PROS1: variants seen among roughly 807,000 people sequenced by gnomAD.
The protein encoded by PROS1 is protein S, also known as vitamin K-dependent protein S.
In PROS1, 29 loss-of-function variants were observed where a neutral mutation model predicts 75.9. That is an observed-to-expected ratio of 0.38 (90% CI 0.28 to 0.52). PROS1 has a LOEUF of 0.52. Among genes scored for constraint, PROS1 ranks in the 20% least tolerant of loss-of-function variants. PROS1 has a pLI of 0.83. For synonymous variants in PROS1, 245 were observed against 280.6 expected, an observed-to-expected ratio of 0.87 and a Z score of 1.27; for missense variants, 680 against 810.3, an observed-to-expected ratio of 0.84 and a Z score of 1.95.
intron 1 of PROS1, among the ~76,000 whole-genome samples, chr3:93,936,001 G>A (rs1236969129): frequency 7.0e-6 from 1 of 143,438 alleles, no homozygotes; most frequent in Non-Finnish European, 1.5e-5. Context: ...AAAAACTACT[G>A]TTTTTTTTTT....
intron 1 of PROS1, among the ~76,000 whole-genome samples, chr3:93,931,749 C>T (rs1358873901): frequency 6.6e-6 from 1 of 152,160 alleles, no homozygotes; most frequent in Non-Finnish European, 1.5e-5. Flanking sequence ...TTGGCTGCAC[C>T]ACTTTCAGCC....
intron 10 of PROS1, among the ~76,000 whole-genome samples, chr3:93,887,544 A>C (rs1026124019): frequency 1.3e-5 from 2 of 152,234 alleles, no homozygotes; most frequent in African/African-American, 4.8e-5. Flanking sequence ...ATATTAAAAC[A>C]CCATGATAGG....
intron 1 of PROS1, among the ~76,000 whole-genome samples, chr3:93,952,445 C>T (rs1471511689): frequency 2.6e-5 from 4 of 152,148 alleles, no homozygotes. Flanking sequence ...CACTCAACTA[C>T]ATGGAAACTG....
chr3:93,893,494 A>G (rs1402686092), intron 9 of PROS1, among the ~76,000 whole-genome samples: 2 of 152,142 alleles, frequency 1.3e-5, no homozygotes, highest in African/African-American at 2.4e-5. Context: ...TTTATACACT[A>G]TATAATCTGA....
At chr3:93,907,167 G>T (rs969035686) in intron 4 of PROS1, among the ~76,000 whole-genome samples, 1 of 152,162 alleles carries the variant, frequency 6.6e-6, no homozygotes, top group Non-Finnish European at 1.5e-5. Flanking sequence ...TTTTTCCTGG[G>T]CCCACCCATG....
At chr3:93,886,103 T>C (rs1249194730) in intron 11 of PROS1, among the ~76,000 whole-genome samples, 2 of 152,204 alleles carry the variant, frequency 1.3e-5, no homozygotes, top group Admixed American at 1.3e-4. Flanking sequence ...AGAAATCCAC[T>C]TCATGATTTA....
chr3:93,874,569 T>C (rs1708156272), intron 14 of PROS1, among the ~76,000 whole-genome samples, 164 bp from the exon 15 acceptor site: 1 of 152,210 alleles, frequency 6.6e-6, no homozygotes, highest in Non-Finnish European at 1.5e-5. Flanking sequence ...GTGACGCCGA[T>C]ATACATGTTA....
intron 14 of PROS1, among the ~76,000 whole-genome samples, chr3:93,876,588 C>CAAAGAA (rs1708191618): frequency 2.9e-5 from 1 of 34,990 alleles, no homozygotes; most frequent in African/African-American, 1.1e-4. Context: ...GACTCCATCT[C>CAAAGAA]AAAAAAAAAA....
At chr3:93,893,849 G>A (rs1295100971) in intron 9 of PROS1, among the ~76,000 whole-genome samples, 1 of 152,156 alleles carries the variant, frequency 6.6e-6, no homozygotes, top group African/African-American at 2.4e-5. Flanking sequence ...ATGTGTTTGG[G>A]GGGTATCTGA....
At chr3:93,903,567 G>A (rs1444331138) in intron 6 of PROS1, among the ~76,000 whole-genome samples, 2 of 152,122 alleles carry the variant, frequency 1.3e-5, no homozygotes, top group Admixed American at 1.3e-4. Flanking sequence ...CTACTTGGGA[G>A]GCTGAGGTGG....
chr3:93,890,819 T>A lies in PROS1; in HGVS notation c.1155+2114A>T, dbSNP rs144165803. On this transcript the variant is annotated intron_variant, in intron 10 of 14. Transcript: ENST00000394236. ...CCTCACATGACTTCTCAATACAAAC[T>A]TCTTGTCTGGGTGCAGTGGCTCACA... Among the ~76,000 whole-genome samples the A allele has an allele frequency of 1.1e-3, 165 of 152,226 alleles. 5 individuals are homozygous for A. In the East Asian group the frequency reaches 0.026, roughly 24 times the overall value.
chr3:93,940,673 T>C (rs1343119943), intron 1 of PROS1, among the ~76,000 whole-genome samples: 9 of 152,044 alleles, frequency 5.9e-5, no homozygotes, highest in African/African-American at 1.7e-4. Flanking sequence ...CTACTTCTAC[T>C]ACCTCCCTGG....
intron 10 of PROS1, among the ~76,000 whole-genome samples, chr3:93,886,813 C>G (rs918567690): frequency 2.6e-5 from 4 of 151,720 alleles, no homozygotes; most frequent in African/African-American, 9.7e-5. Context: ...AGAAAATTAA[C>G]AATTAAGTGA....
intron 1 of PROS1, among the ~76,000 whole-genome samples, chr3:93,949,916 G>A (rs1709465992): frequency 6.6e-6 from 1 of 152,180 alleles, no homozygotes; most frequent in African/African-American, 2.4e-5. Flanking sequence ...AGGGGTCGGG[G>A]AATTCCCTTT....
rs1289820558 is a variant in PROS1, at chr3:93,873,943, A to C, written c.*302T>G. 2 of 325,610 alleles carry C rather than the reference A, an allele frequency of 6.1e-6. No individual in the cohort carries two copies. Among genetic ancestry groups the C allele is most frequent in the African/African-American group, 4.3e-5 (2 of 46,858 alleles). 20.2% of individuals were successfully genotyped at this position (325,610 alleles called of 1,614,324 possible). ...ATAGGTATTTAGACACTAGTTCATG[A>C]TGATAAAATTAAAATTTAGTTTTAC... On this transcript the variant is annotated 3_prime_UTR_variant, in exon 15 of 15. Transcript: ENST00000394236.
intron 1 of PROS1, among the ~76,000 whole-genome samples, chr3:93,946,544 A>G (rs1230764545): frequency 1.3e-5 from 2 of 152,196 alleles, no homozygotes; most frequent in Admixed American, 1.3e-4. Flanking sequence ...TGACAAAAAC[A>G]AGAAATGGGG....
intron 3 of PROS1, among the ~76,000 whole-genome samples, chr3:93,914,725 A>T (rs1459068487): frequency 5.3e-5 from 8 of 152,046 alleles, no homozygotes; most frequent in African/African-American, 1.9e-4. Flanking sequence ...GGTTACATGT[A>T]TAAGTAAGTT....
chr3:93,916,119 T>C (rs530893549), intron 3 of PROS1, among the ~76,000 whole-genome samples: 1 of 152,138 alleles, frequency 6.6e-6, no homozygotes. Flanking sequence ...CAGAAGGTAG[T>C]AAGGCAAAAG....
chr3:93,971,627 C>CCACA (rs748664337), intron 1 of PROS1, among the ~76,000 whole-genome samples: 35,564 of 124,174 alleles, frequency 0.29, 5,459 homozygotes, highest in African/African-American at 0.38. Context: ...AAAATAAAAA[C>CCACA]CACACACACA....
Sources: allele counts gnomAD v4.1 joint callset (sites outside exome capture counted in the v4.1 genomes callset), GRCh38; gene constraint gnomAD v4.1.1; transcripts MANE v1.5; gene names NCBI Gene and HGNC (gene_info 2026-07-23, HGNC 2026-07-21).